The following CEP89 variants were observed in gnomAD, a reference collection of about 807,000 sequenced individuals.
The protein encoded by CEP89 is centrosomal protein of 89 kDa.
A neutral mutation model predicts 97.6 loss-of-function variants in CEP89; 95 were observed. That is an observed-to-expected ratio of 0.97 (90% confidence interval 0.82 to 1.15). The LOEUF is 1.15. CEP89 is among the 50% of genes most tolerant of loss of function. CEP89 has a pLI of 0.00. For missense variants in CEP89, 869 were observed against 947.7 expected (o/e 0.92, Z 1.09); for synonymous variants, 354 against 349.1 (o/e 1.01, Z -0.16).
chr19:32,930,984 CAA>C (rs1467298464), intron 9 of CEP89, among the ~76,000 whole-genome samples: 3 of 152,264 alleles, frequency 2.0e-5, no homozygotes, highest in African/African-American at 7.2e-5. Context: ...CTCCCATGCT[CAA>C]GAGATCCTCT....
intron 17 of CEP89, among the ~76,000 whole-genome samples, chr19:32,886,157 T>C (rs1349330245): frequency 1.3e-5 from 2 of 152,244 alleles, no homozygotes; most frequent in African/African-American, 2.4e-5. Context: ...TGGTTCACTT[T>C]GGAGTATAGT....
chr19:32,971,306 G>C (rs865900099), intron 1 of CEP89: 2 of 417,254 alleles, frequency 4.8e-6, no homozygotes, highest in Middle Eastern at 1.2e-3. Context: ...ACGTCGTCCA[G>C]GAGTTAACTC....
intron 16 of CEP89, among the ~76,000 whole-genome samples, chr19:32,899,212 C>T (rs902639474): frequency 3.3e-5 from 5 of 151,048 alleles, no homozygotes; most frequent in Non-Finnish European, 5.9e-5. Flanking sequence ...CTCACTGCAG[C>T]CTTCAACTCC....
intron 9 of CEP89, among the ~76,000 whole-genome samples, chr19:32,929,397 T>C (rs1599750317): frequency 6.6e-6 from 1 of 151,474 alleles, no homozygotes; most frequent in Non-Finnish European, 1.5e-5. Flanking sequence ...AGGTGAGGAG[T>C]TTGAGACCAA....
At chr19:32,947,952 C>G (rs1970830689) in intron 5 of CEP89, among the ~76,000 whole-genome samples, 1 of 152,144 alleles carries the variant, frequency 6.6e-6, no homozygotes, top group African/African-American at 2.4e-5. Flanking sequence ...AGGCGTGCAC[C>G]ACCTTGCCTG....
chr19:32,889,204 C>T (rs1005873973), intron 16 of CEP89, among the ~76,000 whole-genome samples: 1 of 152,190 alleles, frequency 6.6e-6, no homozygotes, highest in Non-Finnish European at 1.5e-5. Flanking sequence ...AGGGGCTGGC[C>T]TAGGCACTCC....
chr19:32,967,084 C>T (rs1971299379), intron 1 of CEP89, among the ~76,000 whole-genome samples: 1 of 152,190 alleles, frequency 6.6e-6, no homozygotes, highest in South Asian at 2.1e-4. Flanking sequence ...ACCTCAGCTT[C>T]CCAAAGTGTT....
chr19:32,921,033 C>T (rs1426565918), intron 12 of CEP89, among the ~76,000 whole-genome samples: 24 of 151,298 alleles, frequency 1.6e-4, no homozygotes, highest in East Asian at 6.0e-4. Flanking sequence ...GCCTGTCCAA[C>T]GTGGTGAAAC....
intron 16 of CEP89, among the ~76,000 whole-genome samples, chr19:32,888,728 C>CA (rs1969451655): frequency 6.6e-6 from 1 of 151,894 alleles, no homozygotes; most frequent in African/African-American, 2.4e-5. Context: ...GTGTCTCCCA[C>CA]AAAAATGTAA....
intron 15 of CEP89, 90 bp from the exon 16 acceptor site, chr19:32,900,088 T>C: frequency 8.3e-7 from 1 of 1,201,728 alleles, no homozygotes; most frequent in Non-Finnish European, 1.2e-6. Flanking sequence ...AAACAGCAAG[T>C]ATGTTAGCAT....
rs754679283 is a variant in CEP89, at chr19:32,959,943, T to C, written c.262A>G (p.Ser88Gly). The C allele has an allele frequency of 1.2e-6, 2 of 1,614,234 alleles. No homozygotes were observed. The highest frequency in any genetic ancestry group is 1.7e-5 in the Admixed American group (1 of 60,014). ...ESDVSSVEQD[S>G]FIEPYATTSQ... ...GTGGTGGCATAGGGCTCGATGAAGC[T>C]GTCCTGTTCAACACTGCTCACATCA... The change falls in exon 3 of 19, where the codon AGC becomes GGC. Residue 88 changes from serine to glycine, a missense_variant. Ser to Gly is a moderately conservative substitution (Grantham distance 56). Transcript: ENST00000305768.
chr19:32,956,916 G>C (rs551250854), intron 3 of CEP89, among the ~76,000 whole-genome samples: 1 of 152,244 alleles, frequency 6.6e-6, no homozygotes, highest in South Asian at 2.1e-4. Flanking sequence ...TGTCTATAGA[G>C]TATAGTCCTT....
intron 1 of CEP89, among the ~76,000 whole-genome samples, chr19:32,967,726 T>C (rs1971314386): frequency 6.6e-6 from 1 of 152,190 alleles, no homozygotes; most frequent in Non-Finnish European, 1.5e-5. Context: ...TTTGGAAATG[T>C]GACGGAACAG....
At chr19:32,949,105 C>A (rs184913784) in intron 4 of CEP89, among the ~76,000 whole-genome samples, 131 of 152,274 alleles carry the variant, frequency 8.6e-4, no homozygotes, top group African/African-American at 3.1e-3. Flanking sequence ...CCTATGTTCA[C>A]CAATTATGTA....
Position 32,956,297 on chromosome 19 carries a change from G to A in CEP89, c.306-2496C>T, listed in dbSNP as rs549917230. Among the ~76,000 whole-genome samples the A allele has an allele frequency of 1.6e-3, 236 of 151,488 alleles. 3 individuals carry two copies. The highest frequency in any genetic ancestry group is 1.5e-3 in the South Asian group (7 of 4,806). On this transcript the variant is annotated intron_variant, in intron 3 of 18. Transcript: ENST00000305768. ...TCTCGATCTGCTGACCTCGTGATCC[G>A]TCCATCTCGGCCTCCCAAAATGCTG...
At chr19:32,895,942 A>C (rs1969631144) in intron 16 of CEP89, among the ~76,000 whole-genome samples, 2 of 152,196 alleles carry the variant, frequency 1.3e-5, no homozygotes, top group South Asian at 4.1e-4. Flanking sequence ...GGAAAGCTAC[A>C]AACACTGATG....
At chr19:32,894,207 T>A (rs1028049850) in intron 16 of CEP89, among the ~76,000 whole-genome samples, 9 of 152,018 alleles carry the variant, frequency 5.9e-5, no homozygotes, top group Admixed American at 3.3e-4. Context: ...CTGGACAACA[T>A]ACAACCTACA....
intron 11 of CEP89, 149 bp downstream of exon 11, chr19:32,926,041 A>C: frequency 2.3e-5 from 15 of 652,428 alleles, no homozygotes; most frequent in South Asian, 3.8e-5. Flanking sequence ...ACCCTGCCAC[A>C]CTCCTTCCTT....
chr19:32,913,626 A>G (rs1970058730), intron 14 of CEP89, among the ~76,000 whole-genome samples: 1 of 143,522 alleles, frequency 7.0e-6, no homozygotes, highest in African/African-American at 2.6e-5. Context: ...TTACACACAC[A>G]CATACACACA....
Sources: gnomAD v4.1 joint callset for allele counts (sites outside exome capture counted in the v4.1 genomes callset) on GRCh38, gnomAD v4.1.1 for gene constraint, MANE v1.5 for transcripts, NCBI Gene and HGNC (gene_info 2026-07-23, HGNC 2026-07-21) for gene names.